Variants in PIEZO2 observed in about 807,000 individuals in gnomAD.
PIEZO2 encodes piezo type mechanosensitive ion channel component 2.
In PIEZO2, 172 loss-of-function variants were observed where a neutral mutation model predicts 337.3. That is an observed-to-expected ratio of 0.51 (90% CI 0.45 to 0.58). PIEZO2 has a LOEUF of 0.58. Ranked by LOEUF, PIEZO2 falls within the 20% of genes least tolerant of loss-of-function variation. The pLI, the probability that PIEZO2 is intolerant of heterozygous loss-of-function variation, is 0.00. For missense variants in PIEZO2, 3,028 were observed against 3,391.3 expected (o/e 0.89, Z 2.66); for synonymous variants, 1,251 against 1,228.5 (o/e 1.02, Z -0.38).
rs574364823 is a variant in PIEZO2, at chr18:10,800,192, A to C, written c.1378+145T>G. ...CTAGCAATATGCTGGGGCAAAATGC[A>C]GGCAGAACTTAAAGAAGTGAGGTTA... On this transcript the variant is annotated intron_variant, in intron 11 of 55. Transcript: ENST00000674853. The C allele has an allele frequency of 1.9e-5, 22 of 1,163,788 alleles. 1 individual carries two copies. Among genetic ancestry groups the C allele is most frequent in the Non-Finnish European group, 7.0e-6 (6 of 854,648 alleles). The allele number at this position is 1,163,788 out of a possible 1,614,324, so 72.1% of individuals were successfully genotyped here.
chr18:10,711,491 T>C (rs1374590687), intron 39 of PIEZO2, among the ~76,000 whole-genome samples: 1 of 152,186 alleles, frequency 6.6e-6, no homozygotes, highest in Non-Finnish European at 1.5e-5. Context: ...TATGGCTTCA[T>C]GAAATTTCAA....
Position 10,872,263 on chromosome 18 carries a change from T to C in PIEZO2, c.330-848A>G, listed in dbSNP as rs531733917. On this transcript the variant is annotated intron_variant, in intron 4 of 55. Transcript: ENST00000674853. The surrounding 1 kb of genome is among the most constrained non-coding windows in gnomAD (Gnocchi z 4.3). ...TCACACATATAGGGCATTTTTGTTA[T>C]AATTGAGATCCTGAAACAAATATAT... Among the ~76,000 whole-genome samples, 1 of 152,318 alleles carries C rather than the reference T, an allele frequency of 6.6e-6. No individual in the cohort carries two copies. Among genetic ancestry groups the C allele is most frequent in the Middle Eastern group, 3.4e-3 (1 of 294 alleles).
intron 2 of PIEZO2, among the ~76,000 whole-genome samples, chr18:11,030,525 G>A (rs2036693512): frequency 6.6e-6 from 1 of 152,194 alleles, no homozygotes; most frequent in Admixed American, 6.5e-5. Flanking sequence ...ACGGGAAGGA[G>A]TGATTAGAAA....
chr18:11,084,712 CA>C (rs544448383), intron 1 of PIEZO2, among the ~76,000 whole-genome samples: 212 of 152,306 alleles, frequency 1.4e-3, no homozygotes, highest in African/African-American at 4.9e-3. Flanking sequence ...AAAACTCCAC[CA>C]GACATCATCC....
At chr18:10,915,767 G>A (rs1357160399) in intron 3 of PIEZO2, among the ~76,000 whole-genome samples, 2 of 152,112 alleles carry the variant, frequency 1.3e-5, no homozygotes, top group African/African-American at 4.8e-5. Flanking sequence ...CTCATCTTGG[G>A]AACTGTGTTC....
chr18:10,873,129 A>C (rs920319141), intron 4 of PIEZO2, among the ~76,000 whole-genome samples: 4 of 152,184 alleles, frequency 2.6e-5, no homozygotes, highest in Non-Finnish European at 5.9e-5. Context: ...ATTTTGGTGA[A>C]AATATTTAAA....
Position 11,105,653 on chromosome 18 carries a change from G to A in PIEZO2, c.65-39431C>T, listed in dbSNP as rs755780117. On this transcript the variant is annotated intron_variant, in intron 1 of 55. Transcript: ENST00000674853. This position sits in a 1 kb window ranked among gnomAD's most constrained non-coding sequence, Gnocchi z 4.3. Reference sequence around the variant, plus strand: ...ATGGTCCCACAGAAGCCTGGAAGCCGCTACAAAGCAATATTTCAACATCAC... The same window carrying A: ...ATGGTCCCACAGAAGCCTGGAAGCCACTACAAAGCAATATTTCAACATCAC... Among the ~76,000 whole-genome samples, 38 of 152,246 alleles carry A rather than the reference G, an allele frequency of 2.5e-4. No homozygotes were observed. The highest frequency in any genetic ancestry group is 8.4e-4 in the African/African-American group (35 of 41,554).
In PIEZO2 at chr18:10,773,425, C is replaced by T. The variant is rs1384513686; in HGVS notation, c.2772G>A (p.Glu924=). The T allele has an allele frequency of 1.3e-6, 2 of 1,537,184 alleles. No individual in the cohort carries two copies. Among genetic ancestry groups the T allele is most frequent in the African/African-American group, 1.4e-5 (1 of 73,038 alleles). ...DGEEEEESEE[E]EETSDLRNKW... Reference sequence around the variant, plus strand: ...TGGGCTGATTACCTGATGTTTCTTCCTCCTCCTCGGATTCCTCCTCTTCCT... The same window carrying T: ...TGGGCTGATTACCTGATGTTTCTTCTTCCTCCTCGGATTCCTCCTCTTCCT... The change falls in exon 20 of 56, where the codon GAG becomes GAA. Residue 924 remains glutamate, a synonymous_variant. Transcript: ENST00000674853. The surrounding 1 kb of genome is among the most constrained non-coding windows in gnomAD (Gnocchi z 5.3).
chr18:10,680,793 A>G (rs1679101339), intron 51 of PIEZO2, among the ~76,000 whole-genome samples: 4 of 152,234 alleles, frequency 2.6e-5, no homozygotes, highest in African/African-American at 9.6e-5. Context: ...TAGTTTTGAC[A>G]GTGTGCATTA....
chr18:10,827,976 T>C (rs1189850), intron 7 of PIEZO2, among the ~76,000 whole-genome samples: 1 of 151,996 alleles, frequency 6.6e-6, no homozygotes, highest in Admixed American at 6.6e-5. Context: ...AACTATTAAA[T>C]CTCATGGACA....
In PIEZO2 at chr18:10,748,572, G is replaced by A. The variant is rs998492055; in HGVS notation, c.4323C>T (p.Ser1441=). 6.5e-6 allele frequency: 10 copies of A among 1,534,924 alleles called. No individual in the cohort carries two copies. Among genetic ancestry groups the A allele is most frequent in the Non-Finnish European group, 8.7e-6 (10 of 1,145,820 alleles). ...GCAGCAGGAGGAAGGCAAAACATAT[G>A]CTGTCCCAAATGATTCCTGCTTCCC... The part of the protein sequence containing the change: ...PSGEAGIIWD[S]ICFAFLLLQR... Residue 1441 remains serine (S), a synonymous_variant, in exon 30 of 56, where the codon AGC becomes AGT. Coordinates refer to ENST00000674853, the MANE Select transcript of PIEZO2 (RefSeq NM_001378183.1). The surrounding 1 kb of genome is among the most constrained non-coding windows in gnomAD (Gnocchi z 5.1).
rs113466687 is a variant in PIEZO2, at chr18:10,673,056, G to A, written c.8162-183C>T. ...AAGAGAGGGCCCTGGGTATGTAAGT[G>A]ATTTTTCCTTTTCAGTGAGAGAGGT... On this transcript the variant is annotated intron_variant, in intron 54 of 55. Coordinates refer to ENST00000674853, the MANE Select transcript of PIEZO2 (RefSeq NM_001378183.1). The surrounding 1 kb of genome is among the most constrained non-coding windows in gnomAD (Gnocchi z 4.8). Among the ~76,000 whole-genome samples, 12 of 152,170 alleles carry A rather than the reference G, an allele frequency of 7.9e-5. No individual in the cohort carries two copies. Among genetic ancestry groups the A allele is most frequent in the African/African-American group, 2.9e-4 (12 of 41,430 alleles).
chr18:10,712,134 T>A (rs2035845651), intron 39 of PIEZO2, among the ~76,000 whole-genome samples: 1 of 152,214 alleles, frequency 6.6e-6, no homozygotes, highest in African/African-American at 2.4e-5. Flanking sequence ...ATGTTTAGAT[T>A]CCCCAATATC....
Position 10,744,232 on chromosome 18 carries a change from C to A in PIEZO2, c.4425-1G>T, listed in dbSNP as rs1410468986. Reference sequence around the variant, plus strand: ...TGTGGCCTGGAAAAGTTCAGCTCCTCTAAAGGGAAAGTGGAAACATGAACA... The same window carrying A: ...TGTGGCCTGGAAAAGTTCAGCTCCTATAAAGGGAAAGTGGAAACATGAACA... On this transcript the variant is annotated splice_acceptor_variant, in intron 30 of 55. Transcript: ENST00000674853. LOFTEE classifies it high-confidence loss of function. 1 of 1,521,218 alleles carries A rather than the reference C, an allele frequency of 6.6e-7. No homozygotes were observed. The highest frequency in any genetic ancestry group is 8.8e-7 in the Non-Finnish European group (1 of 1,132,680). 94.2% of individuals were successfully genotyped at this position (1,521,218 alleles called of 1,614,324 possible).
intron 13 of PIEZO2, among the ~76,000 whole-genome samples, chr18:10,793,658 A>G (rs1262284989): frequency 6.6e-6 from 1 of 152,190 alleles, no homozygotes; most frequent in Non-Finnish European, 1.5e-5. Flanking sequence ...GTCTGTGTTT[A>G]AGAGGAAAGA....
chr18:11,087,950 T>G (rs1389313961), intron 1 of PIEZO2, among the ~76,000 whole-genome samples: 2 of 152,276 alleles, frequency 1.3e-5, no homozygotes, highest in African/African-American at 4.8e-5. Context: ...CTGTTCACCT[T>G]CAAATGAAGA....
intron 18 of PIEZO2, among the ~76,000 whole-genome samples, chr18:10,778,557 C>T (rs950729522): frequency 2.6e-5 from 4 of 152,154 alleles, no homozygotes; most frequent in Non-Finnish European, 5.9e-5. Context: ...TGGTCTCGAT[C>T]TCCTGACCTC....
intron 3 of PIEZO2, among the ~76,000 whole-genome samples, chr18:10,922,235 G>C (rs2031465325): frequency 6.6e-6 from 1 of 152,194 alleles, no homozygotes; most frequent in African/African-American, 2.4e-5. Context: ...GTCTCCCCTG[G>C]ATGCCCAGCT....
At chr18:11,084,598 G>A (rs2038857700) in intron 1 of PIEZO2, among the ~76,000 whole-genome samples, 1 of 151,978 alleles carries the variant, frequency 6.6e-6, no homozygotes, top group African/African-American at 2.4e-5. Flanking sequence ...GCTTGAGTGT[G>A]GATCCCTATG....
Sources: gnomAD v4.1 joint callset for allele counts (sites outside exome capture counted in the v4.1 genomes callset) on GRCh38, gnomAD v4.1.1 for gene constraint, Gnocchi (gnomAD v3.1) non-coding constraint, MANE v1.5 for transcripts, NCBI Gene and HGNC (gene_info 2026-07-23, HGNC 2026-07-21) for gene names.